RALYL: variants seen among roughly 807,000 people sequenced by gnomAD.
RALYL encodes RALY RNA binding protein like.
Under a neutral mutation model 35.1 loss-of-function variants are expected in RALYL, and 29 were observed. The ratio of observed to expected loss-of-function variants is 0.83; its 90% CI spans 0.61 to 1.13. RALYL has a LOEUF of 1.13. Among genes scored for constraint, RALYL ranks in the 50% most tolerant of loss-of-function variants. The pLI is 0.00. For missense variants in RALYL, 359 were observed against 360.4 expected, an observed-to-expected ratio of 1.00 and a Z score of 0.03; for synonymous variants, 120 against 127.6, an observed-to-expected ratio of 0.94 and a Z score of 0.40.
chr8:84,525,953 CTTTTT>C (rs35794329), intron 1 of RALYL, among the ~76,000 whole-genome samples: 36,327 of 104,682 alleles, frequency 0.35, 3,876 homozygotes, highest in South Asian at 0.44. Flanking sequence ...TTTCTTTTTT[CTTTTT>C]TTTTTTTTTT....
At chr8:84,493,895 C>T (rs796112574) in intron 1 of RALYL, among the ~76,000 whole-genome samples, 9 of 152,206 alleles carry the variant, frequency 5.9e-5, no homozygotes, top group African/African-American at 1.9e-4. Context: ...TATGCAGAAG[C>T]TCTTTAGTTT....
At chr8:84,391,507 C>A (rs1860691903) in intron 1 of RALYL, among the ~76,000 whole-genome samples, 2 of 151,990 alleles carry the variant, frequency 1.3e-5, no homozygotes, top group Admixed American at 6.6e-5. Context: ...TCACCCCAAA[C>A]CTCCTTTTCA....
intron 2 of RALYL, among the ~76,000 whole-genome samples, chr8:84,582,193 C>T (rs1810990111): frequency 6.6e-6 from 1 of 152,068 alleles, no homozygotes; most frequent in Non-Finnish European, 1.5e-5. Flanking sequence ...TCAAGTCCTT[C>T]CTAAGTGGTT....
At chr8:84,238,056 A>G (rs1248843096) in intron 1 of RALYL, among the ~76,000 whole-genome samples, 1 of 152,136 alleles carries the variant, frequency 6.6e-6, no homozygotes, top group African/African-American at 2.4e-5. Flanking sequence ...ATGTGAATAT[A>G]TAAGAAGAAA....
chr8:84,217,129 A>T (rs998265661), intron 1 of RALYL, among the ~76,000 whole-genome samples: 1 of 152,122 alleles, frequency 6.6e-6, no homozygotes, highest in Non-Finnish European at 1.5e-5. Context: ...TGTATCATTA[A>T]TATGTAAATC....
At chr8:84,831,727 C>A (rs1830969910) in intron 4 of RALYL, among the ~76,000 whole-genome samples, 1 of 151,928 alleles carries the variant, frequency 6.6e-6, no homozygotes, top group South Asian at 2.1e-4. Context: ...GAGACTATCT[C>A]TTCTACAAAT....
intron 1 of RALYL, among the ~76,000 whole-genome samples, chr8:84,186,729 C>A (rs187311486): frequency 6.6e-6 from 1 of 152,204 alleles, no homozygotes; most frequent in African/African-American, 2.4e-5. Context: ...TTCTAAGAAC[C>A]TTTAGTTATC....
At chr8:84,449,937 T>A (rs886298524) in intron 1 of RALYL, among the ~76,000 whole-genome samples, 1 of 151,914 alleles carries the variant, frequency 6.6e-6, no homozygotes, top group Non-Finnish European at 1.5e-5. Flanking sequence ...AAATCTATAA[T>A]TCAGGGACCA....
chr8:84,857,510 A>G (rs1563755316), intron 5 of RALYL, among the ~76,000 whole-genome samples: 1 of 152,218 alleles, frequency 6.6e-6, no homozygotes, highest in Non-Finnish European at 1.5e-5. Context: ...CAACACACAT[A>G]TTACATTTTT....
chr8:84,303,281 A>G (rs1236548923), intron 1 of RALYL, among the ~76,000 whole-genome samples: 1 of 152,234 alleles, frequency 6.6e-6, no homozygotes, highest in Non-Finnish European at 1.5e-5. Flanking sequence ...TGAGTTGGAT[A>G]AAATTTGTCT....
chr8:84,357,685 T>C (rs561377970), intron 1 of RALYL, among the ~76,000 whole-genome samples: 1 of 150,336 alleles, frequency 6.7e-6, no homozygotes, highest in South Asian at 2.1e-4. Context: ...ATCATTGGCA[T>C]CTATAGGCTA....
At chr8:84,285,090 A>G (rs1837337342) in intron 1 of RALYL, among the ~76,000 whole-genome samples, 1 of 152,190 alleles carries the variant, frequency 6.6e-6, no homozygotes, top group Non-Finnish European at 1.5e-5. Context: ...GCCAAGGCCT[A>G]ATAAGTTCAT....
rs547377473 is a variant in RALYL at position 84,230,386 on chromosome 8, A to G, written c.-24+45962A>G. Among the ~76,000 whole-genome samples, 7 of 152,290 alleles carry G rather than the reference A, an allele frequency of 4.6e-5. No homozygotes were observed. In the South Asian group the frequency reaches 1.4e-3, roughly 32 times the overall value. On this transcript the variant is annotated intron_variant, in intron 1 of 8. Transcript: ENST00000521268. ...TTTTGAGGATGATACAAATTTATTC[A>G]GTTAATATGGATGACAAAAATAAAC...
At chr8:84,574,507 C>A (rs1808834804) in intron 2 of RALYL, among the ~76,000 whole-genome samples, 1 of 152,100 alleles carries the variant, frequency 6.6e-6, no homozygotes, top group Non-Finnish European at 1.5e-5. Context: ...AAACACTTTT[C>A]TCTGTCTCCT....
chr8:84,663,039 T>C (rs1483362041), intron 2 of RALYL, among the ~76,000 whole-genome samples: 4 of 152,108 alleles, frequency 2.6e-5, no homozygotes, highest in Non-Finnish European at 5.9e-5. Context: ...TGAGTCCATG[T>C]GTTTTCATTG....
chr8:84,195,817 GA>G (rs997325294), intron 1 of RALYL, among the ~76,000 whole-genome samples: 2 of 151,890 alleles, frequency 1.3e-5, no homozygotes, highest in Non-Finnish European at 2.9e-5. Flanking sequence ...AAATTGTCTG[GA>G]AAAAAAACTG....
chr8:84,872,874 G>A (rs1469431612), intron 6 of RALYL: 1 of 153,516 alleles, frequency 6.5e-6, no homozygotes, highest in Non-Finnish European at 1.4e-5. Context: ...AAATATCATT[G>A]ACTGCTGAAA....
chr8:84,689,155 G>C (rs1837476625), intron 2 of RALYL, among the ~76,000 whole-genome samples: 1 of 151,650 alleles, frequency 6.6e-6, no homozygotes, highest in Non-Finnish European at 1.5e-5. Flanking sequence ...GTATACATGT[G>C]CCATGCTGGT....
At chr8:84,575,379 A>C (rs144287739) in intron 2 of RALYL, among the ~76,000 whole-genome samples, 6 of 152,290 alleles carry the variant, frequency 3.9e-5, no homozygotes, top group African/African-American at 1.4e-4. Context: ...ACTTTCTTCT[A>C]TAGAATTATA....
Sources: gnomAD v4.1 joint callset for allele counts (sites outside exome capture counted in the v4.1 genomes callset) on GRCh38, gnomAD v4.1.1 for gene constraint, MANE v1.5 for transcripts, NCBI Gene and HGNC (gene_info 2026-07-23, HGNC 2026-07-21) for gene names.